The following NME9 variants were observed in gnomAD, a reference collection of about 807,000 sequenced individuals.
NME9 encodes NME/NM23 family member 9.
In NME9, 48 loss-of-function variants were observed where a neutral mutation model predicts 44.4. That is an observed-to-expected ratio of 1.08 (90% CI 0.86 to 1.37). The LOEUF (loss-of-function observed/expected upper bound fraction) is 1.37. NME9 is among the 40% of genes most tolerant of loss of function. The pLI is 0.00. For synonymous variants in NME9, 139 were observed against 147.1 expected (o/e 0.94, Z 0.40); for missense variants, 325 against 405.2 (o/e 0.80, Z 1.70).
rs138896157 is a variant in NME9, at chr3:138,283,345, C to G, written c.745+20162G>C. On this transcript the variant is annotated intron_variant, in intron 8 of 8. Transcript: ENST00000317876. Reference sequence around the variant, plus strand: ...GAGAAAATTATGTGAGTCTGAATCCCAGCTTCACCTCTCATTCCTTTGAGG... The same window carrying G: ...GAGAAAATTATGTGAGTCTGAATCCGAGCTTCACCTCTCATTCCTTTGAGG... Among the ~76,000 whole-genome samples the G allele has an allele frequency of 1.2e-3, 184 of 152,318 alleles. 1 individual carries two copies. The highest frequency in any genetic ancestry group is 0.012 in the South Asian group (57 of 4,826).
intron 8 of NME9, among the ~76,000 whole-genome samples, chr3:138,285,907 C>G (rs777489601): frequency 2.6e-5 from 4 of 152,154 alleles, no homozygotes; most frequent in African/African-American, 9.7e-5. Flanking sequence ...TCATACCCAT[C>G]GAGACATACC....
chr3:138,323,857 CA>C (rs1229470529), intron 2 of NME9, among the ~76,000 whole-genome samples: 1 of 152,164 alleles, frequency 6.6e-6, no homozygotes, highest in Non-Finnish European at 1.5e-5. Context: ...GAGTGGGTGA[CA>C]GTAGGTGGTA....
At chr3:138,281,348 A>G (rs2049906078) in intron 8 of NME9, among the ~76,000 whole-genome samples, 1 of 150,072 alleles carries the variant, frequency 6.7e-6, no homozygotes, top group Non-Finnish European at 1.5e-5. Context: ...GCTGGAGTGC[A>G]GTGACGCGAT....
At chr3:138,293,449 G>T (rs2051176064) in intron 8 of NME9, among the ~76,000 whole-genome samples, 1 of 152,112 alleles carries the variant, frequency 6.6e-6, no homozygotes, top group Non-Finnish European at 1.5e-5. Flanking sequence ...TGAGGCAGGA[G>T]GATCACTTGA....
rs145906245 is a variant in NME9 at position 138,277,785 on chromosome 3, C to T, written c.746-15199G>A. Among the ~76,000 whole-genome samples, 270 of 152,228 alleles carry T rather than the reference C, an allele frequency of 1.8e-3. 1 individual carries two copies. The Middle Eastern group carries it at 0.051, about 29-fold the overall frequency. On this transcript the variant is annotated intron_variant, in intron 8 of 8. Transcript: ENST00000317876. ...ACGACCCAGCAATGCCATTCCTAGC[C>T]GTTTACTCACATAAAATGAAAACCT...
chr3:138,283,160 C>G (rs1352901467), intron 8 of NME9, among the ~76,000 whole-genome samples: 1 of 152,236 alleles, frequency 6.6e-6, no homozygotes, highest in Admixed American at 6.5e-5. Flanking sequence ...TTTCACACCT[C>G]AGGACTTACT....
At position 138,313,310 on chromosome 3, in the gene NME9, T is replaced by G. The variant is rs1351282753; in HGVS notation, c.460+1022A>C. Reference sequence around the variant, plus strand: ...GGGAGGCTGAGGCACGAGAATTGCTTGAACCTGGGAGGCAGAGGTTGCAGT... The same window carrying G: ...GGGAGGCTGAGGCACGAGAATTGCTGGAACCTGGGAGGCAGAGGTTGCAGT... On this transcript the variant is annotated intron_variant, in intron 6 of 10. Transcript: ENST00000333911. Among the ~76,000 whole-genome samples, 8 of 152,176 alleles carry G rather than the reference T, an allele frequency of 5.3e-5. No homozygotes were observed. In the South Asian group the frequency reaches 1.7e-3, roughly 32 times the overall value.
At chr3:138,290,819 C>G (rs2050866068) in intron 8 of NME9, among the ~76,000 whole-genome samples, 1 of 152,118 alleles carries the variant, frequency 6.6e-6, no homozygotes, top group South Asian at 2.1e-4. Context: ...TAATAATTAC[C>G]AAATTATTAA....
chr3:138,320,010 T>A (rs1237417556), intron 2 of NME9, among the ~76,000 whole-genome samples: 13 of 152,180 alleles, frequency 8.5e-5, no homozygotes, highest in Non-Finnish European at 1.8e-4. Flanking sequence ...CAAACACAGG[T>A]TTGACCTTTT....
At position 138,308,556 on chromosome 3, in the gene NME9, G is replaced by GT. The variant is rs1355500171; in HGVS notation, c.461-2077dup. 2.0e-5 allele frequency among the ~76,000 whole-genome samples: 3 copies of GT among 152,124 alleles called. No homozygotes were observed. The East Asian group carries it at 5.8e-4, about 29-fold the overall frequency. ...GGTTGTAGGGCTCTGGGAAGGAAAG[G>GT]TTTTCTAACATTTAAGAAAGAGGTG... On this transcript the variant is annotated intron_variant, in intron 6 of 10. Coordinates refer to ENST00000333911, the MANE Select transcript of NME9 (RefSeq NM_001349018.2).
intron 3 of NME9, among the ~76,000 whole-genome samples, 170 bp downstream of exon 3, chr3:138,319,308 C>G (rs1055042529): frequency 3.9e-5 from 6 of 152,190 alleles, no homozygotes; most frequent in Non-Finnish European, 8.8e-5. Flanking sequence ...TAGGAACCTT[C>G]ATAACTAGAG....
At chr3:138,315,477 C>T (rs2053006818) in intron 5 of NME9, 50 bp downstream of exon 5, 1 of 1,268,306 alleles carries the variant, frequency 7.9e-7, no homozygotes. Context: ...TGATCTCGCC[C>T]TACTAGCGCA....
At chr3:138,308,040 A>G (rs1217956137) in intron 6 of NME9, among the ~76,000 whole-genome samples, 1 of 152,078 alleles carries the variant, frequency 6.6e-6, no homozygotes, top group East Asian at 1.9e-4. Flanking sequence ...GAATAAGAGG[A>G]AGGCTAAGGA....
intron 8 of NME9, among the ~76,000 whole-genome samples, chr3:138,268,179 G>C (rs534458514): frequency 6.6e-6 from 1 of 152,234 alleles, no homozygotes; most frequent in South Asian, 2.1e-4. Flanking sequence ...GGAGGCAAAG[G>C]TTGCAGTGAG....
In NME9 at chr3:138,319,462, T is replaced by C. The variant is rs888112417; in HGVS notation, c.195+16A>G. Reference sequence around the variant, plus strand: ...TTTACAATGTTGTATGACTGTTGGCTGAGAGAGAATCTTACTAATGCAAAG... The same window carrying C: ...TTTACAATGTTGTATGACTGTTGGCCGAGAGAGAATCTTACTAATGCAAAG... On this transcript the variant is annotated intron_variant, in intron 3 of 10. Coordinates refer to ENST00000333911, the MANE Select transcript of NME9 (RefSeq NM_001349018.2). The C allele has an allele frequency of 1.3e-5, 19 of 1,410,606 alleles. No individual in the cohort carries two copies. The highest frequency in any genetic ancestry group is 4.2e-5 in the African/African-American group (3 of 71,092). The allele number at this position is 1,410,606 out of a possible 1,614,324, so 87.4% of individuals were successfully genotyped here.
chr3:138,318,123 G>A lies in NME9; in HGVS notation c.267+25C>T, dbSNP rs779671772. The A allele has an allele frequency of 7.7e-6, 11 of 1,428,430 alleles. No homozygotes were observed. The South Asian group carries it at 1.1e-4, about 15-fold the overall frequency. The allele number at this position is 1,428,430 out of a possible 1,614,324, so 88.5% of individuals were successfully genotyped here. Reference sequence around the variant, plus strand: ...TCTAATGATTTGCAATCGTCAAATAGTTCTGATTCTGAAAATGTACTTACT... The same window carrying A: ...TCTAATGATTTGCAATCGTCAAATAATTCTGATTCTGAAAATGTACTTACT... On this transcript the variant is annotated intron_variant, in intron 4 of 10. Transcript: ENST00000333911.
rs184346066 is a variant in NME9 at position 138,277,037 on chromosome 3, G to A, written c.746-14451C>T. Among the ~76,000 whole-genome samples, 5 of 152,292 alleles carry A rather than the reference G, an allele frequency of 3.3e-5. No individual in the cohort carries two copies. The East Asian group carries it at 9.6e-4, about 29-fold the overall frequency. Reference sequence around the variant, plus strand: ...TTCAAGACTTAATTATAAAAGTACAGTAGTAATGAAGACAGTATGGTCTTA... The same window carrying A: ...TTCAAGACTTAATTATAAAAGTACAATAGTAATGAAGACAGTATGGTCTTA... On this transcript the variant is annotated intron_variant, in intron 8 of 8. Coordinates refer to the NME9 transcript ENST00000317876.
intron 8 of NME9, chr3:138,295,933 G>T (rs752942429): frequency 6.2e-7 from 1 of 1,603,348 alleles, no homozygotes; most frequent in Admixed American, 1.7e-5. Flanking sequence ...CCACCTCCTT[G>T]TTTAAGGAAG....
intron 8 of NME9, among the ~76,000 whole-genome samples, chr3:138,292,152 C>G (rs1368991196): frequency 1.3e-5 from 2 of 152,166 alleles, no homozygotes; most frequent in Non-Finnish European, 2.9e-5. Flanking sequence ...ATTCTCCTGC[C>G]TCAGCCTCCC....
Sources: allele counts gnomAD v4.1 joint callset (sites outside exome capture counted in the v4.1 genomes callset), GRCh38; gene constraint gnomAD v4.1.1; transcripts MANE v1.5; gene names NCBI Gene and HGNC (gene_info 2026-07-23, HGNC 2026-07-21).